The following GUCY1A2 variants were observed in gnomAD, a reference collection of about 807,000 sequenced individuals.
The protein encoded by GUCY1A2 is guanylate cyclase soluble subunit alpha-2.
GUCY1A2 carries 27 observed loss-of-function variants against 63.5 expected under a neutral mutation model. The ratio of observed to expected loss-of-function variants is 0.43; its 90% CI spans 0.31 to 0.59. GUCY1A2 has a LOEUF of 0.59. GUCY1A2 is among the 20% of genes least tolerant of loss of function. GUCY1A2 has a pLI of 0.11. For synonymous variants in GUCY1A2, 364 were observed against 343.5 expected (o/e 1.06, Z -0.66); for missense variants, 768 against 913.3 (o/e 0.84, Z 2.05).
intron 5 of GUCY1A2, among the ~76,000 whole-genome samples, chr11:106,790,577 C>T (rs760373689): frequency 2.6e-5 from 4 of 152,218 alleles, no homozygotes; most frequent in Non-Finnish European, 5.9e-5. Flanking sequence ...TCACTGTAGC[C>T]TCCACAACTG....
intron 4 of GUCY1A2, among the ~76,000 whole-genome samples, chr11:106,818,338 TTA>T (rs778060645): frequency 6.6e-6 from 1 of 152,164 alleles, no homozygotes; most frequent in Non-Finnish European, 1.5e-5. Context: ...ATTATATGTG[TTA>T]TGGTAACCTG....
At chr11:106,947,101 C>T (rs1860839804) in intron 3 of GUCY1A2, among the ~76,000 whole-genome samples, 3 of 151,722 alleles carry the variant, frequency 2.0e-5, no homozygotes, top group Admixed American at 2.0e-4. Context: ...CCTGTAATCC[C>T]AGCTACTCAT....
chr11:106,840,351 T>C (rs1859179420), intron 4 of GUCY1A2, among the ~76,000 whole-genome samples: 2 of 151,932 alleles, frequency 1.3e-5, no homozygotes, highest in Non-Finnish European at 1.5e-5. Flanking sequence ...GATCTTATGA[T>C]GGGTTTTGAC....
intron 5 of GUCY1A2, among the ~76,000 whole-genome samples, chr11:106,796,667 T>C (rs1217341802): frequency 2.6e-5 from 4 of 152,336 alleles, no homozygotes; most frequent in Middle Eastern, 6.8e-3. Context: ...TGGGCTTCCC[T>C]TTGTGGGTAA....
intron 7 of GUCY1A2, among the ~76,000 whole-genome samples, chr11:106,689,020 A>G (rs1862575759): frequency 6.6e-6 from 1 of 152,164 alleles, no homozygotes; most frequent in South Asian, 2.1e-4. Context: ...TTTCTTAAAA[A>G]CAATCCATCC....
chr11:106,720,044 T>C (rs911364155), intron 6 of GUCY1A2, among the ~76,000 whole-genome samples: 1 of 152,198 alleles, frequency 6.6e-6, no homozygotes, highest in South Asian at 2.1e-4. Context: ...CAAAAAAATA[T>C]TCCTTTATAT....
At chr11:106,721,394 T>C (rs1047346465) in intron 6 of GUCY1A2, among the ~76,000 whole-genome samples, 1 of 152,288 alleles carries the variant, frequency 6.6e-6, no homozygotes, top group African/African-American at 2.4e-5. Flanking sequence ...ATGTTTCTTA[T>C]CTTCAAATTC....
At chr11:106,890,195 T>A (rs1859954869) in intron 4 of GUCY1A2, among the ~76,000 whole-genome samples, 2 of 152,200 alleles carry the variant, frequency 1.3e-5, no homozygotes, top group African/African-American at 4.8e-5. Context: ...ATCTGTGAAT[T>A]TATTATCTAT....
Position 106,674,927 on chromosome 11 carries a change from G to A in GUCY1A2, c.*12622C>T, listed in dbSNP as rs1350472303. On this transcript the variant is annotated 3_prime_UTR_variant, in exon 8 of 8. Coordinates refer to ENST00000526355, the MANE Select transcript of GUCY1A2 (RefSeq NM_000855.3). ...TTGGAAACCTATTTATTATTATATA[G>A]TGCCTGCAGACTTGATGGAAGTGCA... The A allele has an allele frequency of 4.6e-6, 1 of 216,052 alleles. No homozygotes were observed. Among genetic ancestry groups the A allele is most frequent in the Non-Finnish European group, 9.3e-6 (1 of 107,150 alleles). The allele number at this position is 216,052 out of a possible 1,614,324, so 13.4% of individuals were successfully genotyped here. A position where few individuals can be genotyped will look rare whatever the true frequency, so the allele number is the denominator to read the frequency against.
At chr11:107,017,726 C>A in intron 1 of GUCY1A2, 27 bp downstream of exon 1, 1 of 1,304,166 alleles carries the variant, frequency 7.7e-7, no homozygotes, top group Non-Finnish European at 1.0e-6. Flanking sequence ...CCCCCGAAGG[C>A]GGTCCCCCCT....
intron 5 of GUCY1A2, among the ~76,000 whole-genome samples, chr11:106,780,498 C>T (rs1412644714): frequency 6.6e-6 from 1 of 152,124 alleles, no homozygotes; most frequent in African/African-American, 2.4e-5. Context: ...CTCTTCACTC[C>T]AGGAACAATG....
Position 106,685,915 on chromosome 11 carries a change from A to C in GUCY1A2, c.*1634T>G. ...ATCTACAAATGCCTTCTAGCCACACACATAGAAAATTTAAAAACATTAAAT... is the reference window on the plus strand; with the variant it reads ...ATCTACAAATGCCTTCTAGCCACACCCATAGAAAATTTAAAAACATTAAAT... On this transcript the variant is annotated 3_prime_UTR_variant, in exon 8 of 8. Coordinates refer to ENST00000526355, the MANE Select transcript of GUCY1A2 (RefSeq NM_000855.3). 1 of 225,858 alleles carries C rather than the reference A, an allele frequency of 4.4e-6. No individual in the cohort carries two copies. Among genetic ancestry groups the C allele is most frequent in the Non-Finnish European group, 8.8e-6 (1 of 113,330 alleles). The allele number at this position is 225,858 out of a possible 1,614,324, so 14.0% of individuals were successfully genotyped here. A position where few individuals can be genotyped will look rare whatever the true frequency, so the allele number is the denominator to read the frequency against.
intron 4 of GUCY1A2, among the ~76,000 whole-genome samples, chr11:106,927,033 A>T (rs1189613539): frequency 5.3e-5 from 8 of 151,436 alleles, no homozygotes; most frequent in Non-Finnish European, 7.4e-5. Context: ...CAAAAAAAAA[A>T]TTAACAGGGT....
chr11:106,998,321 G>T (rs185500731), intron 1 of GUCY1A2, among the ~76,000 whole-genome samples: 344 of 152,226 alleles, frequency 2.3e-3, no homozygotes, highest in Non-Finnish European at 4.2e-3. Flanking sequence ...AAGGGATATT[G>T]GGAACAGCTG....
In GUCY1A2 at chr11:106,678,253, T is replaced by C. The variant is rs192935673; in HGVS notation, c.*9296A>G. 6.9e-5 allele frequency: 14 copies of C among 202,204 alleles called. No individual in the cohort carries two copies. The highest frequency in any genetic ancestry group is 3.0e-4 in the Admixed American group (5 of 16,654). The allele number at this position is 202,204 out of a possible 1,614,324, so 12.5% of individuals were successfully genotyped here. A position where few individuals can be genotyped will look rare whatever the true frequency, so the allele number is the denominator to read the frequency against. On this transcript the variant is annotated 3_prime_UTR_variant, in exon 8 of 8. Coordinates refer to ENST00000526355, the MANE Select transcript of GUCY1A2 (RefSeq NM_000855.3). Reference sequence around the variant, plus strand: ...TTGAGAATACTTTGTAGTCAAAGAATACAAAAGCAATTTATCTGAGAGTCC... The same window carrying C: ...TTGAGAATACTTTGTAGTCAAAGAACACAAAAGCAATTTATCTGAGAGTCC...
intron 5 of GUCY1A2, among the ~76,000 whole-genome samples, chr11:106,795,573 TCA>T (rs1327949312): frequency 1.3e-5 from 2 of 152,142 alleles, no homozygotes; most frequent in Non-Finnish European, 2.9e-5. Flanking sequence ...CAACACATAC[TCA>T]CAGCTAAATC....
rs144532633 is a variant in GUCY1A2 at position 106,843,470 on chromosome 11, T to A, written c.1207-32992A>T. On this transcript the variant is annotated intron_variant, in intron 4 of 7. Transcript: ENST00000526355. ...CTACTGAAAGGCACAGAAATATACCTGTAGAGACGTATTAGATATATTAGG... is the reference window on the plus strand; with the variant it reads ...CTACTGAAAGGCACAGAAATATACCAGTAGAGACGTATTAGATATATTAGG... 5.2e-4 allele frequency among the ~76,000 whole-genome samples: 79 copies of A among 151,944 alleles called. 1 individual carries two copies. In the East Asian group the frequency reaches 0.013, roughly 25 times the overall value.
intron 4 of GUCY1A2, among the ~76,000 whole-genome samples, chr11:106,858,689 G>C (rs73553813): frequency 7.8e-4 from 119 of 152,210 alleles, no homozygotes; most frequent in African/African-American, 2.9e-3. Context: ...AAATATGTGA[G>C]AGACAAATTC....
chr11:106,996,653 GC>G (rs1861543539), intron 1 of GUCY1A2, among the ~76,000 whole-genome samples: 1 of 152,174 alleles, frequency 6.6e-6, no homozygotes, highest in Non-Finnish European at 1.5e-5. Context: ...CAACCAAAGT[GC>G]CATGGGCATT....
Sources: gnomAD v4.1 joint callset for allele counts (sites outside exome capture counted in the v4.1 genomes callset) on GRCh38, gnomAD v4.1.1 for gene constraint, MANE v1.5 for transcripts, NCBI Gene and HGNC (gene_info 2026-07-23, HGNC 2026-07-21) for gene names.